Variants in GSTA2 observed in about 807,000 individuals in gnomAD.
GSTA2 encodes glutathione S-transferase alpha 2, also known as glutathione S-transferase A2.
Under a neutral mutation model 22.4 loss-of-function variants are expected in GSTA2, and 27 were observed. The observed-to-expected ratio is 1.21, with a 90% CI of 0.89 to 1.67. The LOEUF is 1.67. GSTA2 is among the 40% of genes most tolerant of loss of function. The pLI, the probability that GSTA2 is intolerant of heterozygous loss-of-function variation, is 0.00. For missense variants in GSTA2, 302 were observed against 260.2 expected, an observed-to-expected ratio of 1.16 and a Z score of -1.11; for synonymous variants, 121 against 86.8, an observed-to-expected ratio of 1.39 and a Z score of -2.19.
chr6:52,751,457 T>C (rs1271825375), intron 6 of GSTA2, 120 bp downstream of exon 6: 4 of 1,586,418 alleles, frequency 2.5e-6, no homozygotes, highest in Non-Finnish European at 3.4e-6. Flanking sequence ...TTGGAGACCT[T>C]GGGGCACCAA....
chr6:52,750,807 C>T lies in GSTA2; in HGVS notation c.547-108G>A, dbSNP rs73740504. 4.0e-3 allele frequency: 5,604 copies of T among 1,388,430 alleles called. 157 individuals are homozygous for T. In the African/African-American group the frequency reaches 0.063, roughly 16 times the overall value. 86.0% of individuals were successfully genotyped at this position (1,388,430 alleles called of 1,614,324 possible). A position where few individuals can be genotyped will look rare whatever the true frequency, so the allele number is the denominator to read the frequency against. On this transcript the variant is annotated intron_variant, in intron 6 of 6. Coordinates refer to ENST00000493422, the MANE Select transcript of GSTA2 (RefSeq NM_000846.5). Reference sequence around the variant, plus strand: ...CCCTCCTGCCAAAGACCAAGTGAGTCGCTTCCACTTGGGTGAAGGCAGAAA... The same window carrying T: ...CCCTCCTGCCAAAGACCAAGTGAGTTGCTTCCACTTGGGTGAAGGCAGAAA...
Position 52,750,611 on chromosome 6 carries a change from G to T in GSTA2, c.635C>A (p.Ser212Tyr). The change falls in exon 7 of 7, where the codon TCT (serine) becomes TAT (tyrosine). Residue 212 changes from serine to tyrosine, a missense_variant. Ser to Tyr is a moderately radical substitution (Grantham distance 144). Coordinates refer to ENST00000493422, the MANE Select transcript of GSTA2 (RefSeq NM_000846.5). ...SPRKPPMDEK[S>Y]LEESRKIFRF ...GAAAATCTTCCTTGATTCTTCTAAA[G>T]ATTTCTCATCCATGGGAGGCTTCCT... The T allele has an allele frequency of 1.2e-6, 2 of 1,613,892 alleles. No individual in the cohort carries two copies. Among genetic ancestry groups the T allele is most frequent in the Non-Finnish European group, 1.7e-6 (2 of 1,179,848 alleles).
Position 52,755,015 on chromosome 6 carries a change from T to C in GSTA2, c.200A>G (p.Gln67Arg). Residue 67 changes from glutamine (Q) to arginine (R), a missense_variant, in exon 4 of 7, where the codon CAG becomes CGG. Gln to Arg is a conservative substitution (Grantham distance 43). Transcript: ENST00000493422. The stretch of plus-strand genomic sequence containing the variant: ...AATGTAGTTGAGAATGGCTCTGGTC[T>C]GCACCAGCTTCATCCCATCAATCTC... Reference protein sequence around the residue: ...MVEIDGMKLVQTRAILNYIAS... With the variant: ...MVEIDGMKLVRTRAILNYIAS... 2 of 1,614,154 alleles carry C rather than the reference T, an allele frequency of 1.2e-6. No individual in the cohort carries two copies. The highest frequency in any genetic ancestry group is 1.7e-6 in the Non-Finnish European group (2 of 1,180,030).
chr6:52,758,065 A>T (rs1762881827), intron 1 of GSTA2, 88 bp from the exon 2 acceptor site: 1 of 751,022 alleles, frequency 1.3e-6, no homozygotes, highest in Admixed American at 2.7e-5. Flanking sequence ...AACCACAAAC[A>T]ATGCTGAAGA....
At chr6:52,754,783 C>T (rs1354060469) in intron 4 of GSTA2, among the ~76,000 whole-genome samples, 160 bp downstream of exon 4, 1 of 152,140 alleles carries the variant, frequency 6.6e-6, no homozygotes, top group Non-Finnish European at 1.5e-5. Flanking sequence ...TTCACTGTTC[C>T]CTCATCTCCA....
intron 2 of GSTA2, 132 bp from the exon 3 acceptor site, chr6:52,756,441 G>T: frequency 1.5e-6 from 1 of 667,836 alleles, no homozygotes; most frequent in Non-Finnish European, 2.6e-6. Flanking sequence ...CACAGAGGGG[G>T]CTAGTCATGG....
chr6:52,755,262 T>G (rs76741087), intron 3 of GSTA2, among the ~76,000 whole-genome samples, 187 bp from the exon 4 acceptor site: 2,676 of 148,914 alleles, frequency 0.018, 86 homozygotes, highest in African/African-American at 0.062. Flanking sequence ...TTGTCCAGGC[T>G]GGAGTGGAGT....
intron 2 of GSTA2, among the ~76,000 whole-genome samples, 165 bp downstream of exon 2, chr6:52,757,696 T>C (rs546852541): frequency 6.6e-6 from 1 of 152,348 alleles, no homozygotes; most frequent in Non-Finnish European, 1.5e-5. Context: ...GGAGAAGAAA[T>C]TTTAAGAATT....
At chr6:52,754,547 T>G (rs1406301630) in intron 4 of GSTA2, among the ~76,000 whole-genome samples, 1 of 152,194 alleles carries the variant, frequency 6.6e-6, no homozygotes, top group Non-Finnish European at 1.5e-5. Flanking sequence ...TTGGTTTCTT[T>G]GCAGCTTTCC....
intron 5 of GSTA2, among the ~76,000 whole-genome samples, chr6:52,752,028 GC>G (rs1349133432): frequency 1.3e-5 from 2 of 152,138 alleles, no homozygotes; most frequent in Non-Finnish European, 2.9e-5. Flanking sequence ...TCTGCCCCAG[GC>G]CCTGCAGTGT....
intron 1 of GSTA2, among the ~76,000 whole-genome samples, chr6:52,760,209 C>T (rs1762929588): frequency 6.6e-6 from 1 of 152,164 alleles, no homozygotes; most frequent in African/African-American, 2.4e-5. Context: ...TGTCATAATT[C>T]CAATCCCCAA....
intron 1 of GSTA2, among the ~76,000 whole-genome samples, chr6:52,759,573 T>G (rs6919852): frequency 0.033 from 1,457 of 44,402 alleles, 24 homozygotes; most frequent in African/African-American, 0.19. Context: ...GTTTTTTTTT[T>G]TTTTTTTTTT....
rs375815199 is a variant in GSTA2 at position 52,754,951 on chromosome 6, C to G, written c.264G>C (p.Glu88Asp). ...KYNLYGKDIK[E>D]KALIDMYIEG... ...CAGAAAATATACCGTACAGGGCTTTCTCCTTTATGTCTTTCCCATAGAGGT... is the reference window on the plus strand; with the variant it reads ...CAGAAAATATACCGTACAGGGCTTTGTCCTTTATGTCTTTCCCATAGAGGT... Residue 88 changes from glutamate to aspartate, a missense_variant, in exon 4 of 7, where the codon GAG (glutamate) becomes GAC (aspartate). Glu to Asp is a conservative substitution (Grantham distance 45, BLOSUM62 2). Transcript: ENST00000493422. The G allele has an allele frequency of 3.1e-6, 5 of 1,613,590 alleles. No individual in the cohort carries two copies. Among genetic ancestry groups the G allele is most frequent in the African/African-American group, 1.3e-5 (1 of 74,904 alleles).
At chr6:52,753,225 T>C (rs1762778377) in intron 4 of GSTA2, among the ~76,000 whole-genome samples, 1 of 152,176 alleles carries the variant, frequency 6.6e-6, no homozygotes, top group Admixed American at 6.5e-5. Context: ...TCAAGGTAGA[T>C]AGCTCTCTAA....
chr6:52,755,172 A>G, intron 3 of GSTA2, 97 bp from the exon 4 acceptor site: 1 of 1,522,076 alleles, frequency 6.6e-7, no homozygotes, highest in Non-Finnish European at 8.9e-7. Flanking sequence ...AATTTGTAAA[A>G]CGAAAAAGAA....
chr6:52,751,772 T>C (rs1257098487), intron 5 of GSTA2, 64 bp from the exon 6 acceptor site: 1 of 1,611,872 alleles, frequency 6.2e-7, no homozygotes, highest in African/African-American at 1.3e-5. Flanking sequence ...CCTGCTTCTT[T>C]CAGAGCCTCT....
intron 1 of GSTA2, among the ~76,000 whole-genome samples, chr6:52,759,582 T>TTG (rs1762916821): frequency 7.4e-5 from 9 of 122,090 alleles, no homozygotes; most frequent in Non-Finnish European, 1.2e-4. Flanking sequence ...TTTTTTTTTT[T>TTG]TTTTTTTTTT....
rs1762738216 is a variant in GSTA2, at chr6:52,751,629, T to C, written c.494A>G (p.Tyr165Cys). The change falls in exon 6 of 7, where the codon TAC becomes TGC. Residue 165 changes from tyrosine (Y) to cysteine (C), a missense_variant. Tyr to Cys is a radical substitution (Grantham distance 194). Transcript: ENST00000493422. ...GCTAGAGTCAAGCTCTTCCACGTAGTAGAGAAGTTCCACCAGGTGAATGTC... is the reference window on the plus strand; with the variant it reads ...GCTAGAGTCAAGCTCTTCCACGTAGCAGAGAAGTTCCACCAGGTGAATGTC... ...RADIHLVELL[Y>C]YVEELDSSLI... is the part of the protein sequence containing the mutation. 2.5e-6 allele frequency: 4 copies of C among 1,614,006 alleles called. No homozygotes were observed. In the Admixed American group the frequency reaches 5.0e-5, roughly 20 times the overall value.
chr6:52,757,103 G>A (rs1414966924), intron 2 of GSTA2, among the ~76,000 whole-genome samples: 4 of 123,588 alleles, frequency 3.2e-5, no homozygotes, highest in Non-Finnish European at 6.7e-5. Flanking sequence ...ACCGAGTACA[G>A]AACCTGGAAT....
Sources: gnomAD v4.1 joint callset for allele counts (sites outside exome capture counted in the v4.1 genomes callset) on GRCh38, gnomAD v4.1.1 for gene constraint, MANE v1.5 for transcripts, NCBI Gene and HGNC (gene_info 2026-07-23, HGNC 2026-07-21) for gene names.